Variants in SPINK8 observed in about 807,000 individuals in gnomAD.
The protein encoded by SPINK8 is serine peptidase inhibitor Kazal type 8 (putative).
Under a neutral mutation model 14.4 loss-of-function variants are expected in SPINK8, and 12 were observed. That is an observed-to-expected ratio of 0.83 (90% confidence interval 0.53 to 1.35). SPINK8 has a LOEUF of 1.35. Among genes scored for constraint, SPINK8 ranks in the 40% most tolerant of loss-of-function variants. The pLI, the probability that SPINK8 is intolerant of heterozygous loss-of-function variation, is 0.00. For missense variants in SPINK8, 103 were observed against 117.0 expected (o/e 0.88, Z 0.55); for synonymous variants, 32 against 37.6 (o/e 0.85, Z 0.55).
intron 7 of SPINK8, among the ~76,000 whole-genome samples, chr3:48,307,997 G>A (rs1489512676): frequency 5.9e-5 from 7 of 117,846 alleles, no homozygotes; most frequent in East Asian, 4.8e-4. Flanking sequence ...TTTTTGAGAC[G>A]GAGTCTCACT....
chr3:48,315,020 CAA>C (rs1338742192), intron 6 of SPINK8, among the ~76,000 whole-genome samples: 1 of 152,162 alleles, frequency 6.6e-6, no homozygotes, highest in South Asian at 2.1e-4. Context: ...AGTGCACACA[CAA>C]AGTTTTTGTT....
chr3:48,318,153 T>C (rs1286306509), intron 6 of SPINK8, among the ~76,000 whole-genome samples: 1 of 152,158 alleles, frequency 6.6e-6, no homozygotes. Context: ...TAATTTCTTT[T>C]TTTTTGAGAC....
chr3:48,330,626 C>T (rs890606688), intron 2 of SPINK8, among the ~76,000 whole-genome samples: 5 of 151,986 alleles, frequency 3.3e-5, no homozygotes, highest in South Asian at 2.1e-4. Context: ...GTTTATATCC[C>T]GATCATTGTC....
At chr3:48,308,330 T>C (rs1410826266) in intron 7 of SPINK8, among the ~76,000 whole-genome samples, 2 of 152,152 alleles carry the variant, frequency 1.3e-5, no homozygotes, top group African/African-American at 4.8e-5. Context: ...TGAATTACTT[T>C]ATAAAAGCAA....
intron 5 of SPINK8, among the ~76,000 whole-genome samples, chr3:48,320,003 G>A (rs181589602): frequency 3.9e-5 from 6 of 151,998 alleles, no homozygotes; most frequent in Non-Finnish European, 8.8e-5. Context: ...GGTGGTGGGC[G>A]CCTGTAGTCC....
At chr3:48,331,658 T>G (rs1341933608) in intron 2 of SPINK8, among the ~76,000 whole-genome samples, 1 of 152,236 alleles carries the variant, frequency 6.6e-6, no homozygotes, top group Non-Finnish European at 1.5e-5. Context: ...CCCCTGTTTT[T>G]GCTAGAATGT....
Position 48,325,591 on chromosome 3 carries a change from A to ATT in SPINK8, c.67+2682_67+2683dup, listed in dbSNP as rs34299222. Reference sequence around the variant, plus strand: ...AGGTCTGCACCACCATGCCTGGCTAATTTTTTTTTTTTTTTTTTGAGAGTG... The same window carrying ATT: ...AGGTCTGCACCACCATGCCTGGCTAATTTTTTTTTTTTTTTTTTTTGAGAGTG... On this transcript the variant is annotated intron_variant, in intron 4 of 7. Coordinates refer to ENST00000434006, the MANE Select transcript of SPINK8 (RefSeq NM_001080525.3). Among the ~76,000 whole-genome samples the ATT allele has an allele frequency of 9.8e-5, 13 of 132,040 alleles. No individual in the cohort carries two copies. In the East Asian group the frequency reaches 1.1e-3, roughly 11 times the overall value. The allele number at this position is 132,040 out of a possible 152,430, so 86.6% of individuals were successfully genotyped here. A position where few individuals can be genotyped will look rare whatever the true frequency, so the allele number is the denominator to read the frequency against.
rs1333830764 is a variant in SPINK8 at position 48,332,396 on chromosome 3, C to T, written c.-166G>A. Among the ~76,000 whole-genome samples the T allele has an allele frequency of 6.6e-6, 1 of 152,198 alleles. No individual in the cohort carries two copies. Among genetic ancestry groups the T allele is most frequent in the African/African-American group, 2.4e-5 (1 of 41,440 alleles). ...AAGATTAGTTGGCCTTCAATAGATC[C>T]AGATGACAGAGAGGTATGCTTCCTC... On this transcript the variant is annotated 5_prime_UTR_variant, in exon 2 of 8. Transcript: ENST00000434006.
chr3:48,319,498 G>C lies in SPINK8; in HGVS notation c.238C>G (p.Leu80Val). The change falls in exon 6 of 8, where the codon CTA (leucine) becomes GTA (valine). Residue 80 changes from leucine (L) to valine (V), a missense_variant and splice_region_variant. Leu to Val is a conservative substitution (Grantham distance 32, BLOSUM62 1). Transcript: ENST00000434006. Reference sequence around the variant, plus strand: ...AGGGAGAACAAAATTAGGACTTACAGAATTTTGGAGCACAGATGGCAGTCA... The same window carrying C: ...AGGGAGAACAAAATTAGGACTTACACAATTTTGGAGCACAGATGGCAGTCA... The part of the protein sequence containing the change: ...SSDCHLCSKI[L>V]FEGLNITKLY... 1 of 1,613,960 alleles carries C rather than the reference G, an allele frequency of 6.2e-7. No homozygotes were observed. The highest frequency in any genetic ancestry group is 8.5e-7 in the Non-Finnish European group (1 of 1,179,850).
chr3:48,323,889 C>A (rs910943866), intron 4 of SPINK8, among the ~76,000 whole-genome samples: 1 of 149,318 alleles, frequency 6.7e-6, no homozygotes, highest in South Asian at 2.1e-4. Context: ...ATGTCTGTAA[C>A]TTTGTAGTAA....
Position 48,306,888 on chromosome 3 carries a change from A to T in SPINK8, c.*104T>A. 8.3e-7 allele frequency: 1 copy of T among 1,210,204 alleles called. No individual in the cohort carries two copies. Among genetic ancestry groups the T allele is most frequent in the Non-Finnish European group, 1.2e-6 (1 of 847,264 alleles). The allele number at this position is 1,210,204 out of a possible 1,614,324, so 75.0% of individuals were successfully genotyped here. A position where few individuals can be genotyped will look rare whatever the true frequency, so the allele number is the denominator to read the frequency against. On this transcript the variant is annotated 3_prime_UTR_variant, in exon 8 of 8. Transcript: ENST00000434006. ...TTGAAGACATAAATCAACGAGTTTG[A>T]TCCAACCATTAGTAATTAAAGGGGA...
chr3:48,319,986 C>T (rs770662162), intron 5 of SPINK8, among the ~76,000 whole-genome samples: 14 of 151,554 alleles, frequency 9.2e-5, no homozygotes, highest in South Asian at 2.1e-4. Flanking sequence ...AAAAATTAGC[C>T]GGGCGTGGTG....
In SPINK8 at chr3:48,329,193, C is replaced by T. The variant is rs184391649; in HGVS notation, c.-54G>A. Among the ~76,000 whole-genome samples the T allele has an allele frequency of 1.1e-4, 16 of 152,242 alleles. No individual in the cohort carries two copies. The highest frequency in any genetic ancestry group is 3.3e-4 in the Admixed American group (5 of 15,284). On this transcript the variant is annotated 5_prime_UTR_variant, in exon 3 of 8. Transcript: ENST00000434006. ...TGGTTGCTCTGAGAAACTGGCTGAA[C>T]AGGATGGTTTTTGTTGATAGTTTGT...
At chr3:48,315,819 A>C (rs894930309) in intron 6 of SPINK8, among the ~76,000 whole-genome samples, 2 of 151,942 alleles carry the variant, frequency 1.3e-5, no homozygotes, top group Non-Finnish European at 2.9e-5. Flanking sequence ...CAAATAGCGA[A>C]TATCAATAAA....
At chr3:48,332,027 CAG>C (rs1453567372) in intron 2 of SPINK8, among the ~76,000 whole-genome samples, 1 of 152,200 alleles carries the variant, frequency 6.6e-6, no homozygotes, top group African/African-American at 2.4e-5. Context: ...GTGGGCCTTC[CAG>C]TGATACCCTT....
chr3:48,321,102 G>T, intron 4 of SPINK8, 28 bp from the exon 5 acceptor site: 1 of 1,561,714 alleles, frequency 6.4e-7, no homozygotes, highest in Non-Finnish European at 8.7e-7. Flanking sequence ...ATACAGAAAA[G>T]TTGCTTCTCT....
chr3:48,320,087 G>T (rs374583960), intron 5 of SPINK8, among the ~76,000 whole-genome samples: 1 of 150,922 alleles, frequency 6.6e-6, no homozygotes. Context: ...CCGAGATCGC[G>T]CCACTGCACT....
intron 6 of SPINK8, 90 bp downstream of exon 6, chr3:48,319,407 G>C: frequency 1.4e-6 from 2 of 1,441,818 alleles, no homozygotes; most frequent in Non-Finnish European, 1.9e-6. Context: ...CTCATTGGAT[G>C]ATGTAGGAAG....
At chr3:48,308,509 G>A (rs993873401) in intron 7 of SPINK8, among the ~76,000 whole-genome samples, 6 of 152,106 alleles carry the variant, frequency 3.9e-5, no homozygotes, top group Non-Finnish European at 5.9e-5. Context: ...ATAGACTGTT[G>A]AGGTCCCAAC....
Sources: allele counts gnomAD v4.1 joint callset (sites outside exome capture counted in the v4.1 genomes callset), GRCh38; gene constraint gnomAD v4.1.1; transcripts MANE v1.5; gene names NCBI Gene and HGNC (gene_info 2026-07-23, HGNC 2026-07-21).